Variants in MAST4 observed in about 807,000 individuals in gnomAD.
MAST4 encodes microtubule-associated serine/threonine-protein kinase 4.
MAST4 carries 89 observed loss-of-function variants against 162.7 expected under a neutral mutation model. The observed-to-expected ratio is 0.55, with a 90% CI of 0.46 to 0.65. The LOEUF (loss-of-function observed/expected upper bound fraction) is 0.65, where lower values mean the gene tolerates loss of function less well. Ranked by LOEUF, MAST4 falls within the 30% of genes least tolerant of loss-of-function variation. The pLI is 0.00. For missense variants in MAST4, 3,153 were observed against 3,374.0 expected (o/e 0.93, Z 1.62); for synonymous variants, 1,479 against 1,361.1 (o/e 1.09, Z -1.91).
chr5:66,684,616 A>C (rs1212215073), intron 1 of MAST4, among the ~76,000 whole-genome samples: 1 of 152,226 alleles, frequency 6.6e-6, no homozygotes, highest in Non-Finnish European at 1.5e-5. Context: ...AACCTGCCTA[A>C]AGGGCTAATT....
chr5:66,622,896 C>G (rs1744169148), intron 1 of MAST4: 1 of 152,254 alleles, frequency 6.6e-6, no homozygotes, highest in Non-Finnish European at 1.5e-5. Context: ...ATGCCATCTT[C>G]TGGGTTTGTG....
At chr5:66,812,264 C>T (rs1756515091) in intron 3 of MAST4, among the ~76,000 whole-genome samples, 1 of 152,168 alleles carries the variant, frequency 6.6e-6, no homozygotes, top group Admixed American at 6.5e-5. Context: ...TATTCTGCTG[C>T]TGAATTATTT....
intron 4 of MAST4, among the ~76,000 whole-genome samples, chr5:66,922,476 C>G (rs981205157): frequency 6.6e-6 from 1 of 152,148 alleles, no homozygotes; most frequent in Admixed American, 6.5e-5. Context: ...AATTTGGTCC[C>G]TAGTTATGAA....
At chr5:66,612,749 G>A (rs774616456) in intron 1 of MAST4, among the ~76,000 whole-genome samples, 1 of 152,104 alleles carries the variant, frequency 6.6e-6, no homozygotes, top group Non-Finnish European at 1.5e-5. Context: ...GTGCCTTGAC[G>A]ATTTTAAGCA....
intron 5 of MAST4, among the ~76,000 whole-genome samples, chr5:67,078,904 T>A (rs1224449342): frequency 2.2e-4 from 8 of 36,358 alleles, no homozygotes; most frequent in South Asian, 1.3e-3. Context: ...TTATATATTT[T>A]TATATAAATA....
At chr5:66,959,183 T>C in intron 4 of MAST4, 1 of 778,872 alleles carries the variant, frequency 1.3e-6, no homozygotes, top group South Asian at 1.3e-5. Context: ...CTCTCTGTCA[T>C]CACCGGGACG....
chr5:67,105,315 A>T (rs1765475777), intron 10 of MAST4, among the ~76,000 whole-genome samples: 1 of 152,244 alleles, frequency 6.6e-6, no homozygotes. Flanking sequence ...AAACATAATT[A>T]TAGATAGTTT....
chr5:66,895,141 G>A (rs757520642), intron 3 of MAST4, among the ~76,000 whole-genome samples: 4 of 152,156 alleles, frequency 2.6e-5, no homozygotes, highest in Non-Finnish European at 5.9e-5. Context: ...ATTGCCTTCA[G>A]GGGTGCGAGT....
chr5:66,616,101 T>C (rs1271226509), intron 1 of MAST4, among the ~76,000 whole-genome samples: 1 of 152,160 alleles, frequency 6.6e-6, no homozygotes, highest in Non-Finnish European at 1.5e-5. Context: ...AACAAATAAA[T>C]GCACAGAGGA....
chr5:66,859,155 G>T (rs1759902884), intron 3 of MAST4, among the ~76,000 whole-genome samples: 1 of 152,056 alleles, frequency 6.6e-6, no homozygotes, highest in Non-Finnish European at 1.5e-5. Context: ...CATTAGTGAG[G>T]ACTTTTAGTA....
rs1053073276 is a variant in MAST4, at chr5:67,165,609, T to A, written c.6430T>A (p.Ser2144Thr). The change falls in exon 29 of 29, where the codon TCC (serine) becomes ACC (threonine). Residue 2144 changes from serine to threonine, a missense_variant. This residue lies in a region of MAST4 where 1,644 missense variants were observed against 1,495.0 expected (regional missense o/e 1.10). Coordinates refer to ENST00000403625, the MANE Select transcript of MAST4 (RefSeq NM_001164664.2). ...GCCCCCTCTGACGGCCAAAGACCTG[T>A]CCAGCCCGGCTGCCAGGCAGCATTG... ...PPPPLTAKDL[S>T]SPAARQHCSS... The A allele has an allele frequency of 6.2e-6, 10 of 1,613,570 alleles. No individual in the cohort carries two copies. Among genetic ancestry groups the A allele is most frequent in the Non-Finnish European group, 6.8e-6 (8 of 1,179,742 alleles).
At chr5:67,129,840 C>T (rs927683915) in intron 14 of MAST4, among the ~76,000 whole-genome samples, 1 of 152,028 alleles carries the variant, frequency 6.6e-6, no homozygotes, top group African/African-American at 2.4e-5. Context: ...ATGTGTGTAA[C>T]TTTGTTAATT....
At chr5:66,732,187 T>G (rs1326724794) in intron 1 of MAST4, among the ~76,000 whole-genome samples, 1 of 152,114 alleles carries the variant, frequency 6.6e-6, no homozygotes, top group African/African-American at 2.4e-5. Context: ...CTATTGACTT[T>G]CAGTTACTGC....
At chr5:66,939,591 T>G (rs1379215730) in intron 4 of MAST4, among the ~76,000 whole-genome samples, 23 of 152,190 alleles carry the variant, frequency 1.5e-4, no homozygotes, top group Admixed American at 1.5e-3. Context: ...TGTATCAATT[T>G]GTAATTGTTT....
In MAST4 at chr5:66,696,763, C is replaced by T. The variant is rs550257031; in HGVS notation, c.364-62946C>T. On this transcript the variant is annotated intron_variant, in intron 1 of 28. Coordinates refer to ENST00000403625, the MANE Select transcript of MAST4 (RefSeq NM_001164664.2). ...ATCATCTGCATTTTTTTTTTTACTG[C>T]ATTTACATTTGCACTGATTGGCAAA... is the stretch of plus-strand genomic sequence containing the variant. Among the ~76,000 whole-genome samples the T allele has an allele frequency of 2.0e-4, 30 of 151,230 alleles. 1 individual carries two copies. Among genetic ancestry groups the T allele is most frequent in the South Asian group, 4.2e-4 (2 of 4,750 alleles).
At chr5:66,967,896 G>C (rs1052754094) in intron 4 of MAST4, among the ~76,000 whole-genome samples, 1 of 152,014 alleles carries the variant, frequency 6.6e-6, no homozygotes, top group Non-Finnish European at 1.5e-5. Flanking sequence ...TAACCACTCA[G>C]AATTTCTCAT....
intron 4 of MAST4, among the ~76,000 whole-genome samples, chr5:66,967,877 A>G (rs563959741): frequency 1.2e-4 from 19 of 152,134 alleles, no homozygotes; most frequent in African/African-American, 4.6e-4. Flanking sequence ...CCTCCTTCTG[A>G]GGCAACCATA....
At chr5:66,874,549 G>A (rs187329240) in intron 3 of MAST4, among the ~76,000 whole-genome samples, 109 of 152,292 alleles carry the variant, frequency 7.2e-4, no homozygotes, top group African/African-American at 2.5e-3. Flanking sequence ...GGTAGGCATA[G>A]CATCTGATCA....
chr5:66,671,651 A>C (rs1239778405), intron 1 of MAST4, among the ~76,000 whole-genome samples: 1 of 152,196 alleles, frequency 6.6e-6, no homozygotes, highest in Admixed American at 6.5e-5. Context: ...TTTGGAGAGA[A>C]TAATTTTCCT....
Sources: allele counts gnomAD v4.1 joint callset (sites outside exome capture counted in the v4.1 genomes callset), GRCh38; gene constraint gnomAD v4.1.1; regional missense constraint gnomAD v4.1.1; transcripts MANE v1.5; gene names NCBI Gene and HGNC (gene_info 2026-07-23, HGNC 2026-07-21).